ODAD2: variants seen among roughly 807,000 people sequenced by gnomAD.
The protein encoded by ODAD2 is outer dynein arm-docking complex subunit 2.
ODAD2 carries 89 observed loss-of-function variants against 106.8 expected under a neutral mutation model. The ratio of observed to expected loss-of-function variants is 0.83; its 90% CI spans 0.70 to 0.99. The LOEUF (loss-of-function observed/expected upper bound fraction) is 0.99, where lower values mean the gene tolerates loss of function less well. ODAD2 is among the 50% of genes least tolerant of loss of function. The pLI is 0.00. For missense variants in ODAD2, 1,168 were observed against 1,238.5 expected, an observed-to-expected ratio of 0.94 and a Z score of 0.85; for synonymous variants, 404 against 436.2, an observed-to-expected ratio of 0.93 and a Z score of 0.92.
At chr10:27,944,100 G>A (rs1169726288) in intron 12 of ODAD2, 122 bp downstream of exon 12, 1 of 806,992 alleles carries the variant, frequency 1.2e-6, no homozygotes, top group Non-Finnish European at 2.0e-6. Context: ...GATACAGACA[G>A]AAGGCTCCTG....
intron 17 of ODAD2, among the ~76,000 whole-genome samples, chr10:27,880,237 C>T (rs1483892674): frequency 2.6e-5 from 4 of 152,152 alleles, no homozygotes; most frequent in Non-Finnish European, 5.9e-5. Context: ...AACAATTTTC[C>T]TACAAAAGAG....
At chr10:27,864,846 C>A (rs1415353325) in intron 17 of ODAD2, among the ~76,000 whole-genome samples, 2 of 151,602 alleles carry the variant, frequency 1.3e-5, no homozygotes, top group Non-Finnish European at 2.9e-5. Context: ...TGGTACTACG[C>A]ACTTCACATA....
At chr10:27,966,002 T>C (rs527673348) in intron 9 of ODAD2, among the ~76,000 whole-genome samples, 22 of 152,314 alleles carry the variant, frequency 1.4e-4, no homozygotes, top group Middle Eastern at 3.4e-3. Flanking sequence ...TGGGTTCTCG[T>C]CCATAAAAGT....
chr10:27,924,002 GAAAGAAAGAA>G (rs1224321764), intron 16 of ODAD2, among the ~76,000 whole-genome samples: 5 of 135,298 alleles, frequency 3.7e-5, no homozygotes, highest in African/African-American at 5.6e-5. Context: ...AAGAAAGAAA[GAAAGAAAGAA>G]AGAAAGAAAG....
At chr10:27,983,609 G>A (rs750439475) in intron 6 of ODAD2, among the ~76,000 whole-genome samples, 2 of 152,164 alleles carry the variant, frequency 1.3e-5, no homozygotes, top group Non-Finnish European at 2.9e-5. Flanking sequence ...AGTGGAATGG[G>A]TCACTTTGAA....
intron 14 of ODAD2, 105 bp downstream of exon 14, chr10:27,939,792 C>A: frequency 2.0e-6 from 1 of 505,534 alleles, no homozygotes; most frequent in Non-Finnish European, 3.4e-6. Flanking sequence ...AAATAAAATG[C>A]AGATTCCTGA....
intron 3 of ODAD2, among the ~76,000 whole-genome samples, chr10:27,985,676 A>G (rs117162925): frequency 7.2e-5 from 11 of 152,232 alleles, no homozygotes; most frequent in Non-Finnish European, 1.5e-4. Flanking sequence ...ATGCTTTCCT[A>G]AGCCTACAGA....
At chr10:27,883,186 C>G (rs989996935) in intron 17 of ODAD2, among the ~76,000 whole-genome samples, 1 of 151,902 alleles carries the variant, frequency 6.6e-6, no homozygotes, top group Non-Finnish European at 1.5e-5. Flanking sequence ...GAGTTGTAAA[C>G]TGTAGTAATA....
intron 12 of ODAD2, among the ~76,000 whole-genome samples, chr10:27,942,895 C>T (rs1054649905): frequency 1.3e-5 from 2 of 152,212 alleles, no homozygotes; most frequent in African/African-American, 4.8e-5. Flanking sequence ...TAGTGCTTTA[C>T]AGATGACAAG....
chr10:27,994,540 G>A (rs1850433478), intron 2 of ODAD2, among the ~76,000 whole-genome samples: 2 of 151,928 alleles, frequency 1.3e-5, no homozygotes, highest in South Asian at 2.1e-4. Context: ...GACCACCCTG[G>A]GCAACATAGT....
chr10:27,827,425 C>A (rs1837155469), intron 19 of ODAD2, among the ~76,000 whole-genome samples: 1 of 139,064 alleles, frequency 7.2e-6, no homozygotes, highest in African/African-American at 2.9e-5. Context: ...CATGTTTCTG[C>A]TTTAAGTTTT....
intron 16 of ODAD2, among the ~76,000 whole-genome samples, chr10:27,925,304 C>G (rs1370895170): frequency 1.3e-5 from 2 of 152,156 alleles, no homozygotes; most frequent in Non-Finnish European, 2.9e-5. Flanking sequence ...ACAGTCCCCA[C>G]AAATGCTCAG....
At chr10:27,979,445 TAC>T (rs35697488) in intron 7 of ODAD2, among the ~76,000 whole-genome samples, 8,969 of 141,558 alleles carry the variant, frequency 0.063, 794 homozygotes, top group African/African-American at 0.2. Context: ...CACACACCCA[TAC>T]ACACACACAC....
chr10:27,958,276 T>C (rs193232653), intron 10 of ODAD2, among the ~76,000 whole-genome samples: 74 of 152,322 alleles, frequency 4.9e-4, no homozygotes, highest in African/African-American at 1.2e-3. Context: ...GGGACAGAAA[T>C]AGTGCATCTC....
chr10:27,944,257 G>A lies in ODAD2; in HGVS notation c.1708C>T (p.Arg570Trp), dbSNP rs751718086. 56 of 1,613,302 alleles carry A rather than the reference G, an allele frequency of 3.5e-5. No homozygotes were observed. The highest frequency in any genetic ancestry group is 4.3e-5 in the Non-Finnish European group (51 of 1,179,960). The change falls in exon 12 of 20, where the codon CGG becomes TGG. Residue 570 changes from arginine to tryptophan, a missense_variant. Arg to Trp is a moderately radical substitution (Grantham distance 101). Transcript: ENST00000305242. ...ANVAKFKRAR[R>W]VVRQHGGITK... ...ATACCCCCGTGCTGCCTCACCACCC[G>A]CCGTGCTCTTTTAAACTTGGCAACA...
At chr10:27,916,199 G>A (rs1219727316) in intron 16 of ODAD2, among the ~76,000 whole-genome samples, 1 of 152,110 alleles carries the variant, frequency 6.6e-6, no homozygotes, top group African/African-American at 2.4e-5. Flanking sequence ...AGCATGACAG[G>A]AGATCAAAAG....
At chr10:27,956,342 G>T (rs1443128508) in intron 10 of ODAD2, among the ~76,000 whole-genome samples, 3 of 152,228 alleles carry the variant, frequency 2.0e-5, no homozygotes, top group African/African-American at 7.2e-5. Flanking sequence ...AGGTACAGAA[G>T]CTGGCATCCC....
intron 17 of ODAD2, among the ~76,000 whole-genome samples, chr10:27,874,480 C>T (rs143091124): frequency 0.028 from 4,318 of 152,230 alleles, 217 homozygotes; most frequent in African/African-American, 0.098. Context: ...CATGTTTTTG[C>T]AGTGGCTGGT....
At chr10:27,851,514 CCA>C (rs1255643877) in intron 19 of ODAD2, among the ~76,000 whole-genome samples, 3 of 151,546 alleles carry the variant, frequency 2.0e-5, no homozygotes, top group Non-Finnish European at 1.5e-5. Context: ...GAAAGGAGAT[CCA>C]AATGAAACGT....
Sources: allele counts gnomAD v4.1 joint callset (sites outside exome capture counted in the v4.1 genomes callset), GRCh38; gene constraint gnomAD v4.1.1; transcripts MANE v1.5; gene names NCBI Gene and HGNC (gene_info 2026-07-23, HGNC 2026-07-21).